The following HEXA variants were observed in gnomAD, a reference collection of about 807,000 sequenced individuals.
HEXA encodes beta-hexosaminidase subunit alpha.
Under a neutral mutation model 73.3 loss-of-function variants are expected in HEXA, and 54 were observed. The ratio of observed to expected loss-of-function variants is 0.74; its 90% CI spans 0.59 to 0.92. HEXA has a LOEUF of 0.92. Ranked by LOEUF, HEXA falls within the 40% of genes least tolerant of loss-of-function variation. HEXA has a pLI of 0.00. For missense variants in HEXA, 649 were observed against 653.0 expected (o/e 0.99, Z 0.07); for synonymous variants, 230 against 246.9 (o/e 0.93, Z 0.64).
chr15:72,342,558 C>G lies in HEXA; in HGVS notation c.*1519G>C, dbSNP rs1333951361. ...CATTACTGCCCCCGCCTCTGGCTTA[C>G]AGTATCACTTCTGCATCTGAAACCA... On this transcript the variant is annotated 3_prime_UTR_variant, in exon 14 of 14. Transcript: ENST00000268097. 2 of 152,244 alleles carry G rather than the reference C, an allele frequency of 1.3e-5. No individual in the cohort carries two copies. The highest frequency in any genetic ancestry group is 2.9e-5 in the Non-Finnish European group (2 of 68,066). The allele number at this position is 152,244 out of a possible 1,614,324, so 9.4% of individuals were successfully genotyped here. A position where few individuals can be genotyped will look rare whatever the true frequency, so the allele number is the denominator to read the frequency against.
At chr15:72,346,457 C>T in intron 11 of HEXA, 70 bp downstream of exon 11, 1 of 1,551,028 alleles carries the variant, frequency 6.4e-7, no homozygotes. Context: ...CTGGCCCAGA[C>T]CTTCCTGCCT....
chr15:72,356,213 T>C (rs752090402), intron 2 of HEXA, among the ~76,000 whole-genome samples: 1 of 152,122 alleles, frequency 6.6e-6, no homozygotes, highest in Non-Finnish European at 1.5e-5. Flanking sequence ...CTTTCCCCAG[T>C]GTAGGGTCTA....
chr15:72,356,755 G>A, intron 1 of HEXA, 138 bp from the exon 2 acceptor site: 1 of 1,268,808 alleles, frequency 7.9e-7, no homozygotes, highest in Non-Finnish European at 1.1e-6. Flanking sequence ...CCTTGGCATA[G>A]GCAGTGCCTG....
Position 72,362,414 on chromosome 15 carries a change from G to A in HEXA, c.254-5797C>T, listed in dbSNP as rs372802266. On this transcript the variant is annotated intron_variant, in intron 1 of 13. Transcript: ENST00000268097. ...TCCTCAACAGGAGGGACCAATCTCA[G>A]TGTCTTTGTATTCCCAGTGCCTGAC... 3.5e-5 allele frequency: 16 copies of A among 455,682 alleles called. No homozygotes were observed. In the East Asian group the frequency reaches 4.9e-4, roughly 14 times the overall value. The allele number at this position is 455,682 out of a possible 1,614,324, so 28.2% of individuals were successfully genotyped here. A position where few individuals can be genotyped will look rare whatever the true frequency, so the allele number is the denominator to read the frequency against.
At chr15:72,362,293 C>T (rs1375671069) in intron 1 of HEXA, 1 of 259,850 alleles carries the variant, frequency 3.8e-6, no homozygotes, top group Non-Finnish European at 7.9e-6. Flanking sequence ...AGAAACCCTC[C>T]TATGTGATCA....
chr15:72,349,081 G>A lies in HEXA; in HGVS notation c.984C>T (p.Cys328=), dbSNP rs1466852142. 2 of 1,612,968 alleles carry A rather than the reference G, an allele frequency of 1.2e-6. No homozygotes were observed. Among genetic ancestry groups the A allele is most frequent in the Non-Finnish European group, 1.7e-6 (2 of 1,178,978 alleles). ...TGGGAAGATCAAAGGGCTCATACCAGCAGGTGAAATCAACCTCATCTCCTC... is the reference window on the plus strand; with the variant it reads ...TGGGAAGATCAAAGGGCTCATACCAACAGGTGAAATCAACCTCATCTCCTC... ...HLGGDEVDFT[C]WKSNPEIQDF... The change falls in exon 8 of 14, where the codon TGC becomes TGT. Residue 328 remains cysteine (C), a splice_region_variant and synonymous_variant. Coordinates refer to ENST00000268097, the MANE Select transcript of HEXA (RefSeq NM_000520.6).
At chr15:72,348,208 G>C in intron 8 of HEXA, 74 bp from the exon 9 acceptor site, 2 of 990,022 alleles carry the variant, frequency 2.0e-6, no homozygotes, top group Non-Finnish European at 1.6e-6. Context: ...TAGTCACCTG[G>C]CCCCCTATAA....
At chr15:72,360,971 CCTAT>C (rs1414709473) in intron 1 of HEXA, among the ~76,000 whole-genome samples, 1 of 152,176 alleles carries the variant, frequency 6.6e-6, no homozygotes, top group Non-Finnish European at 1.5e-5. Flanking sequence ...TTCCTTACAA[CCTAT>C]CTATTCCTCA....
intron 13 of HEXA, among the ~76,000 whole-genome samples, chr15:72,344,444 C>T (rs932616214): frequency 3.4e-4 from 52 of 152,210 alleles, no homozygotes; most frequent in African/African-American, 1.2e-3. Flanking sequence ...CCAAATAACT[C>T]AATCCCTTTA....
intron 5 of HEXA, 173 bp from the exon 6 acceptor site, chr15:72,351,407 T>C: frequency 8.9e-6 from 6 of 675,068 alleles, no homozygotes; most frequent in Non-Finnish European, 1.6e-5. Context: ...CAGGGAGGGA[T>C]GGCATGGAGG....
chr15:72,345,740 C>A, intron 12 of HEXA, 190 bp from the exon 13 acceptor site: 1 of 775,136 alleles, frequency 1.3e-6, no homozygotes, highest in Non-Finnish European at 2.1e-6. Context: ...GCTCCACCTT[C>A]ATTAAAATGT....
intron 4 of HEXA, 52 bp from the exon 5 acceptor site, chr15:72,353,230 G>T: frequency 9.5e-7 from 1 of 1,057,592 alleles, no homozygotes; most frequent in Non-Finnish European, 1.5e-6. Context: ...CTTACTATGG[G>T]GGCACAGGGA....
Position 72,356,573 on chromosome 15 carries a change from C to A in HEXA, c.298G>T (p.Val100Phe), listed in dbSNP as rs794727250. Residue 100 changes from valine to phenylalanine, a missense_variant, in exon 2 of 14, where the codon GTC (valine) becomes TTC (phenylalanine). Physicochemically the swap from Val to Phe is conservative, Grantham distance 50. Transcript: ENST00000268097. ...GGAAGCTGGTTACATCCAGGTGTGA[C>A]TACAGAGACAACCAACACATTCTTC... ...LEKNVLVVSV[V>F]TPGCNQLPTL... The A allele has an allele frequency of 6.2e-7, 1 of 1,614,100 alleles. No homozygotes were observed. Among genetic ancestry groups the A allele is most frequent in the South Asian group, 1.1e-5 (1 of 91,082 alleles).
intron 10 of HEXA, 22 bp downstream of exon 10, chr15:72,347,664 T>G: frequency 6.2e-7 from 1 of 1,608,644 alleles, no homozygotes; most frequent in Non-Finnish European, 8.5e-7. Flanking sequence ...GGTGGCTTCT[T>G]CTCTTCTCTG....
intron 8 of HEXA, among the ~76,000 whole-genome samples, chr15:72,348,508 C>G (rs968403428): frequency 6.6e-6 from 1 of 152,222 alleles, no homozygotes; most frequent in African/African-American, 2.4e-5. Flanking sequence ...TGTCTAACAC[C>G]TGCTGCAGAT....
At chr15:72,347,823 C>T in intron 9 of HEXA, 65 bp from the exon 10 acceptor site, 1 of 1,486,576 alleles carries the variant, frequency 6.7e-7, no homozygotes, top group South Asian at 1.1e-5. Context: ...ACTGTTTGTG[C>T]CAGTGCTCTA....
chr15:72,368,425 C>A (rs1292343506), intron 1 of HEXA, among the ~76,000 whole-genome samples: 7 of 152,212 alleles, frequency 4.6e-5, no homozygotes, highest in Admixed American at 4.6e-4. Context: ...GTTACTTAGC[C>A]TCTATGTCTC....
At chr15:72,350,972 T>G (rs893241743) in intron 6 of HEXA, 161 bp downstream of exon 6, 2 of 682,158 alleles carry the variant, frequency 2.9e-6, no homozygotes, top group African/African-American at 3.5e-5. Context: ...GGCAAAGTTT[T>G]GGACTTGAAC....
chr15:72,349,049 G>A (rs139981419), intron 8 of HEXA, 30 bp downstream of exon 8: 1 of 1,584,642 alleles, frequency 6.3e-7, no homozygotes, highest in Non-Finnish European at 8.7e-7. Flanking sequence ...AACTGATCAG[G>A]CCACAGTGGG....
Sources: allele counts gnomAD v4.1 joint callset (sites outside exome capture counted in the v4.1 genomes callset), GRCh38; gene constraint gnomAD v4.1.1; transcripts MANE v1.5; gene names NCBI Gene and HGNC (gene_info 2026-07-23, HGNC 2026-07-21).